The following BCAS3 variants were observed in gnomAD, a reference collection of about 807,000 sequenced individuals.
BCAS3 encodes BCAS4/BCAS3 fusion.
A neutral mutation model predicts 116.1 loss-of-function variants in BCAS3; 53 were observed. The observed-to-expected ratio is 0.46, with a 90% CI of 0.37 to 0.57. BCAS3 has a LOEUF of 0.57. Among genes scored for constraint, BCAS3 ranks in the 20% least tolerant of loss-of-function variants. The probability of loss-of-function intolerance (pLI) is 0.00; values close to 1 mark genes in which losing one functional copy is unlikely to be tolerated. For synonymous variants in BCAS3, 391 were observed against 408.2 expected, an observed-to-expected ratio of 0.96 and a Z score of 0.51; for missense variants, 917 against 1,165.4, an observed-to-expected ratio of 0.79 and a Z score of 3.10.
intron 6 of BCAS3, among the ~76,000 whole-genome samples, chr17:60,784,626 G>A (rs1275136279): frequency 6.7e-6 from 1 of 149,092 alleles, no homozygotes; most frequent in Admixed American, 6.9e-5. Context: ...TTTAAATGAG[G>A]TGGAGTCTCA....
rs1478587127 is a variant in BCAS3 at position 61,309,476 on chromosome 17, A to G, written c.2426-58851A>G. Among the ~76,000 whole-genome samples the G allele has an allele frequency of 6.6e-6, 1 of 152,124 alleles. No individual in the cohort carries two copies. The highest frequency in any genetic ancestry group is 1.5e-5 in the Non-Finnish European group (1 of 68,016). Reference sequence around the variant, plus strand: ...GGGCATAACTGTGGACCTAAAGTGGACATCAGAGGGGTCCCGGCAATGCGG... The same window carrying G: ...GGGCATAACTGTGGACCTAAAGTGGGCATCAGAGGGGTCCCGGCAATGCGG... On this transcript the variant is annotated intron_variant, in intron 22 of 23. Transcript: ENST00000407086. This position sits in a 1 kb window ranked among gnomAD's most constrained non-coding sequence, Gnocchi z 4.6.
In BCAS3 at chr17:61,017,524, T is replaced by G. The variant is rs893278186; in HGVS notation, c.1637+1623T>G. 6.6e-6 allele frequency among the ~76,000 whole-genome samples: 1 copy of G among 152,204 alleles called. No homozygotes were observed. Among genetic ancestry groups the G allele is most frequent in the Admixed American group, 6.5e-5 (1 of 15,284 alleles). On this transcript the variant is annotated intron_variant, in intron 16 of 23. Coordinates refer to ENST00000407086, the MANE Select transcript of BCAS3 (RefSeq NM_017679.5). This position sits in a 1 kb window ranked among gnomAD's most constrained non-coding sequence, Gnocchi z 4.7. ...AATTTAAGAAGGTTCAAAAGGCTCCTGGAGTCATAAAAGCATATTCTGGTG... is the reference window on the plus strand; with the variant it reads ...AATTTAAGAAGGTTCAAAAGGCTCCGGGAGTCATAAAAGCATATTCTGGTG...
At chr17:61,328,145 A>G (rs2055889222) in intron 22 of BCAS3, among the ~76,000 whole-genome samples, 2 of 152,012 alleles carry the variant, frequency 1.3e-5, no homozygotes. Flanking sequence ...ATATCGTGGA[A>G]TAACCTATAG....
intron 22 of BCAS3, among the ~76,000 whole-genome samples, chr17:61,165,478 A>T (rs2078433762): frequency 6.6e-6 from 1 of 152,174 alleles, no homozygotes; most frequent in African/African-American, 2.4e-5. Context: ...CGAGTGCATT[A>T]CCTGAGGTTG....
rs1468906584 is a variant in BCAS3 at position 60,962,532 on chromosome 17, A to AT, written c.1221+15186dup. ...CTTTTGCCCATTTTTAAATTTTCTT[A>AT]TTTTTTCTTTTGTTTCTAATGGGGT... On this transcript the variant is annotated intron_variant, in intron 14 of 23. Coordinates refer to ENST00000407086, the MANE Select transcript of BCAS3 (RefSeq NM_017679.5). This position sits in a 1 kb window ranked among gnomAD's most constrained non-coding sequence, Gnocchi z 4.4. 6.7e-6 allele frequency among the ~76,000 whole-genome samples: 1 copy of AT among 150,066 alleles called. No individual in the cohort carries two copies. The highest frequency in any genetic ancestry group is 2.5e-5 in the African/African-American group (1 of 40,734).
At chr17:60,806,779 C>T (rs1376181729) in intron 6 of BCAS3, among the ~76,000 whole-genome samples, 1 of 152,140 alleles carries the variant, frequency 6.6e-6, no homozygotes, top group Non-Finnish European at 1.5e-5. Flanking sequence ...GATCCTCCTG[C>T]CTCCGCCTCC....
intron 6 of BCAS3, among the ~76,000 whole-genome samples, chr17:60,752,060 C>T: frequency 6.6e-6 from 1 of 151,876 alleles, no homozygotes; most frequent in East Asian, 1.9e-4. Context: ...AGTTTTTTTC[C>T]CCTTAACTAT....
chr17:60,719,213 A>G (rs989472147), intron 5 of BCAS3, among the ~76,000 whole-genome samples: 4 of 152,200 alleles, frequency 2.6e-5, no homozygotes, highest in African/African-American at 9.6e-5. Context: ...AAATGTGTGA[A>G]CCATAGACTG....
chr17:61,299,442 C>CAAAAAAAAAAAAAAAAAAAAAAAAAAA (rs538072648), intron 22 of BCAS3, among the ~76,000 whole-genome samples: 1 of 57,154 alleles, frequency 1.7e-5, no homozygotes, highest in Non-Finnish European at 3.5e-5. Context: ...GACTCCATCT[C>CAAAAAAAAAAAAAAAAAAAAAAAAAAA]AAAAAAAAAA....
intron 23 of BCAS3, among the ~76,000 whole-genome samples, chr17:61,371,891 C>T (rs916363464): frequency 2.0e-5 from 3 of 152,186 alleles, no homozygotes; most frequent in African/African-American, 7.2e-5. Context: ...TTATGGTTAA[C>T]TTATAAGACA....
At chr17:60,751,333 CTG>C (rs1201742253) in intron 6 of BCAS3, among the ~76,000 whole-genome samples, 2 of 152,114 alleles carry the variant, frequency 1.3e-5, no homozygotes, top group African/African-American at 4.8e-5. Flanking sequence ...CAGATAAAAA[CTG>C]TTACTAATTA....
intron 7 of BCAS3, among the ~76,000 whole-genome samples, chr17:60,824,560 C>A (rs1598963855): frequency 6.6e-6 from 1 of 152,298 alleles, no homozygotes; most frequent in East Asian, 1.9e-4. Flanking sequence ...GGGTGAGACT[C>A]CCTGCTTCTC....
intron 22 of BCAS3, among the ~76,000 whole-genome samples, chr17:61,359,596 T>G (rs2058345228): frequency 6.6e-6 from 1 of 151,844 alleles, no homozygotes; most frequent in Admixed American, 6.6e-5. Context: ...ATTCAAGTGA[T>G]TTTCCTGCTT....
In BCAS3 at chr17:61,128,198, G is replaced by A. The variant is rs1168987817; in HGVS notation, c.2425+43634G>A. Reference sequence around the variant, plus strand: ...TTTAGGAAGCCTTCCACCAGGAATAGTGTGAGTCAAGGATGAGTACATGAA... The same window carrying A: ...TTTAGGAAGCCTTCCACCAGGAATAATGTGAGTCAAGGATGAGTACATGAA... On this transcript the variant is annotated intron_variant, in intron 22 of 23. Transcript: ENST00000407086. This position sits in a 1 kb window ranked among gnomAD's most constrained non-coding sequence, Gnocchi z 4.1. 1 of 985,418 alleles carries A rather than the reference G, an allele frequency of 1.0e-6. No individual in the cohort carries two copies. Among genetic ancestry groups the A allele is most frequent in the South Asian group, 4.7e-5 (1 of 21,288 alleles). The allele number at this position is 985,418 out of a possible 1,614,324, so 61.0% of individuals were successfully genotyped here.
intron 14 of BCAS3, among the ~76,000 whole-genome samples, chr17:60,986,384 A>G (rs2145418276): frequency 6.6e-6 from 1 of 152,240 alleles, no homozygotes; most frequent in Admixed American, 6.5e-5. Flanking sequence ...ATCATACGGT[A>G]GCTCTAGTTG....
Position 61,349,554 on chromosome 17 carries a change from G to A in BCAS3, c.2426-18773G>A, listed in dbSNP as rs1016339046. ...GACCAGAGCCCCTCACTGCCCCCTG[G>A]TGTAGACAGTCTGATTGCCTACTCC... On this transcript the variant is annotated intron_variant, in intron 22 of 23. Transcript: ENST00000407086. This position sits in a 1 kb window ranked among gnomAD's most constrained non-coding sequence, Gnocchi z 4.7. 6.6e-6 allele frequency among the ~76,000 whole-genome samples: 1 copy of A among 152,148 alleles called. No individual in the cohort carries two copies. The highest frequency in any genetic ancestry group is 1.5e-5 in the Non-Finnish European group (1 of 68,044).
At chr17:60,733,090 T>C (rs2040622615) in intron 5 of BCAS3, among the ~76,000 whole-genome samples, 1 of 152,188 alleles carries the variant, frequency 6.6e-6, no homozygotes, top group African/African-American at 2.4e-5. Context: ...TGAGTGCCAA[T>C]TATTATATAC....
intron 22 of BCAS3, among the ~76,000 whole-genome samples, chr17:61,341,536 A>G (rs116833588): frequency 0.023 from 3,565 of 152,278 alleles, 136 homozygotes; most frequent in African/African-American, 0.08. Flanking sequence ...ACACTGGTGC[A>G]GTGGCACTCA....
intron 5 of BCAS3, among the ~76,000 whole-genome samples, chr17:60,719,939 A>G (rs550342777): frequency 1.3e-5 from 2 of 152,324 alleles, no homozygotes; most frequent in East Asian, 1.9e-4. Context: ...GCTGCTTAGT[A>G]TGAAAGATGG....
Sources: allele counts gnomAD v4.1 joint callset (sites outside exome capture counted in the v4.1 genomes callset), GRCh38; gene constraint gnomAD v4.1.1; non-coding constraint Gnocchi (gnomAD v3.1); transcripts MANE v1.5; gene names NCBI Gene and HGNC (gene_info 2026-07-23, HGNC 2026-07-21).